Variants in PRICKLE1 observed in about 807,000 individuals in gnomAD.
The protein encoded by PRICKLE1 is prickle-like protein 1.
PRICKLE1 carries 14 observed loss-of-function variants against 70.2 expected under a neutral mutation model. The observed-to-expected ratio is 0.20, with a 90% CI of 0.13 to 0.31. The LOEUF (loss-of-function observed/expected upper bound fraction) is 0.31, where lower values mean the gene tolerates loss of function less well. Among genes scored for constraint, PRICKLE1 ranks in the 10% least tolerant of loss-of-function variants. The pLI is 1.00. For missense variants in PRICKLE1, 821 were observed against 1,026.2 expected, an observed-to-expected ratio of 0.80 and a Z score of 2.73; for synonymous variants, 357 against 379.9, an observed-to-expected ratio of 0.94 and a Z score of 0.70.
At chr12:42,467,507 G>A (rs1938146616) in intron 5 of PRICKLE1, among the ~76,000 whole-genome samples, 1 of 152,108 alleles carries the variant, frequency 6.6e-6, no homozygotes, top group South Asian at 2.1e-4. Context: ...TTGGGAGGCT[G>A]AGGGAGGTGA....
At chr12:42,510,892 G>C (rs774070014) in intron 1 of PRICKLE1, among the ~76,000 whole-genome samples, 2 of 152,184 alleles carry the variant, frequency 1.3e-5, no homozygotes, top group Non-Finnish European at 2.9e-5. Context: ...ATCTGAAAAG[G>C]TTCTTCCTAG....
At chr12:42,493,429 G>A (rs1939139220) in intron 1 of PRICKLE1, among the ~76,000 whole-genome samples, 1 of 151,956 alleles carries the variant, frequency 6.6e-6, no homozygotes, top group Admixed American at 6.6e-5. Context: ...GATCTGATAG[G>A]GTAATGGTTA....
intron 1 of PRICKLE1, among the ~76,000 whole-genome samples, chr12:42,574,721 C>A (rs1045308837): frequency 6.6e-6 from 1 of 152,088 alleles, no homozygotes; most frequent in African/African-American, 2.4e-5. Context: ...AAAAAACAAA[C>A]GAATAAACAT....
At chr12:42,570,571 G>A (rs774518371) in intron 1 of PRICKLE1, among the ~76,000 whole-genome samples, 1 of 152,194 alleles carries the variant, frequency 6.6e-6, no homozygotes, top group African/African-American at 2.4e-5. Flanking sequence ...TGTAATCCCA[G>A]CACTTTGGGA....
chr12:42,558,197 C>T (rs1367982658), intron 1 of PRICKLE1, among the ~76,000 whole-genome samples: 2 of 152,196 alleles, frequency 1.3e-5, no homozygotes, highest in East Asian at 1.9e-4. Flanking sequence ...GTAATACTTA[C>T]ACCTTAGATC....
chr12:42,457,206 C>T lies in PRICKLE1; in HGVS notation c.*2603G>A, dbSNP rs2708059. 0.61 allele frequency: 90,941 copies of T among 149,926 alleles called. 27,778 individuals are homozygous for T. Among genetic ancestry groups the T allele is most frequent in the Admixed American group, 0.67 (10,086 of 15,038 alleles). The allele number at this position is 149,926 out of a possible 1,614,324, so 9.3% of individuals were successfully genotyped here. A position where few individuals can be genotyped will look rare whatever the true frequency, so the allele number is the denominator to read the frequency against. ...AAAAAAAAAAAAAGGAAAAGAAAGT[C>T]ACATTATTATTGTGAATAAATATCT... On this transcript the variant is annotated 3_prime_UTR_variant, in exon 8 of 8. Transcript: ENST00000345127.
At position 42,586,483 on chromosome 12, in the gene PRICKLE1, G is replaced by A. The variant is rs539020280; in HGVS notation, c.-49+2982C>T. On this transcript the variant is annotated intron_variant, in intron 1 of 7. Coordinates refer to ENST00000345127, the MANE Select transcript of PRICKLE1 (RefSeq NM_153026.3). ...CTCAAGCGATCCTCCCCAGTAGCTG[G>A]GGCTATAGAGCCAAGCACCACTACA... 2.6e-5 allele frequency among the ~76,000 whole-genome samples: 4 copies of A among 151,920 alleles called. No homozygotes were observed. In the East Asian group the frequency reaches 5.8e-4, roughly 22 times the overall value.
At chr12:42,471,717 C>T (rs1325029506) in intron 2 of PRICKLE1, among the ~76,000 whole-genome samples, 1 of 152,198 alleles carries the variant, frequency 6.6e-6, no homozygotes, top group Non-Finnish European at 1.5e-5. Context: ...GATGCCTCTG[C>T]TCTTTTAATA....
At chr12:42,462,225 G>C in intron 7 of PRICKLE1, among the ~76,000 whole-genome samples, 1 of 151,716 alleles carries the variant, frequency 6.6e-6, no homozygotes, top group Non-Finnish European at 1.5e-5. Flanking sequence ...TTTTGAGACA[G>C]AGTCTTGCTC....
At chr12:42,494,097 A>T (rs1939152800) in intron 1 of PRICKLE1, among the ~76,000 whole-genome samples, 1 of 152,212 alleles carries the variant, frequency 6.6e-6, no homozygotes, top group Non-Finnish European at 1.5e-5. Flanking sequence ...CCTTAATTAA[A>T]AATATCTTAC....
chr12:42,580,908 G>A (rs1940887207), intron 1 of PRICKLE1, among the ~76,000 whole-genome samples: 1 of 152,006 alleles, frequency 6.6e-6, no homozygotes, highest in Admixed American at 6.6e-5. Flanking sequence ...AAGGAAGGAC[G>A]GAAGGACGGA....
intron 1 of PRICKLE1, among the ~76,000 whole-genome samples, chr12:42,476,633 C>CT (rs1280032829): frequency 6.7e-6 from 1 of 149,018 alleles, no homozygotes; most frequent in African/African-American, 2.5e-5. Context: ...ACTTATTTAC[C>CT]TGATAACACG....
intron 1 of PRICKLE1, among the ~76,000 whole-genome samples, chr12:42,545,160 T>C (rs1031162676): frequency 6.6e-6 from 1 of 152,120 alleles, no homozygotes; most frequent in Non-Finnish European, 1.5e-5. Context: ...CGCATCACCA[T>C]GCCCAGCTAA....
rs757810750 is a variant in PRICKLE1, at chr12:42,460,147, C to T, written c.2158G>A (p.Glu720Lys). Reference sequence around the variant, plus strand: ...GCATTCTGGATGTATGCTTGGATCTCCCGGGCACTTTTATTCTGTATAAAT... The same window carrying T: ...GCATTCTGGATGTATGCTTGGATCTTCCGGGCACTTTTATTCTGTATAAAT... ...EKFIQNKSAR[E>K]IQAYIQNADL... The change falls in exon 8 of 8, where the codon GAG becomes AAG. Residue 720 changes from glutamate to lysine, a missense_variant. Coordinates refer to ENST00000345127, the MANE Select transcript of PRICKLE1 (RefSeq NM_153026.3). The T allele has an allele frequency of 6.2e-7, 1 of 1,614,026 alleles. No individual in the cohort carries two copies. The highest frequency in any genetic ancestry group is 8.5e-7 in the Non-Finnish European group (1 of 1,180,028).
chr12:42,512,856 T>G (rs1261222032), intron 1 of PRICKLE1, among the ~76,000 whole-genome samples: 1 of 152,136 alleles, frequency 6.6e-6, no homozygotes, highest in Non-Finnish European at 1.5e-5. Flanking sequence ...CAGCCTCTCT[T>G]TTGAAGTTTG....
At chr12:42,498,026 T>C (rs1051504211) in intron 1 of PRICKLE1, among the ~76,000 whole-genome samples, 3 of 152,164 alleles carry the variant, frequency 2.0e-5, no homozygotes, top group Non-Finnish European at 2.9e-5. Flanking sequence ...TTATTTCTAA[T>C]AGAGATGGGT....
At chr12:42,542,438 GT>G (rs1446939166) in intron 1 of PRICKLE1, among the ~76,000 whole-genome samples, 1 of 152,038 alleles carries the variant, frequency 6.6e-6, no homozygotes, top group Non-Finnish European at 1.5e-5. Flanking sequence ...ATCACCTAAG[GT>G]CAGGAGTTCA....
In PRICKLE1 at chr12:42,525,717, CT is replaced by C. The variant is rs34785466; in HGVS notation, c.-48-53154del. On this transcript the variant is annotated intron_variant, in intron 1 of 7. Transcript: ENST00000345127. ...AGAATAGCAAAAGCAGCTTTGTTTG[CT>C]TTTTTTTTTTTTTCCCTACATCCTC... Among the ~76,000 whole-genome samples, 1,188 of 138,276 alleles carry C rather than the reference CT, an allele frequency of 8.6e-3. 8 individuals are homozygous for C. Among genetic ancestry groups the C allele is most frequent in the African/African-American group, 0.019 (723 of 37,976 alleles). 90.7% of individuals were successfully genotyped at this position (138,276 alleles called of 152,430 possible).
chr12:42,533,357 T>C (rs1939957762), intron 1 of PRICKLE1, among the ~76,000 whole-genome samples: 2 of 152,162 alleles, frequency 1.3e-5, no homozygotes, highest in South Asian at 4.1e-4. Flanking sequence ...AAGAACCTTA[T>C]CCCTGAAAAA....
Sources: gnomAD v4.1 joint callset for allele counts (sites outside exome capture counted in the v4.1 genomes callset) on GRCh38, gnomAD v4.1.1 for gene constraint, MANE v1.5 for transcripts, NCBI Gene and HGNC (gene_info 2026-07-23, HGNC 2026-07-21) for gene names.